Variants in FAIM observed in about 807,000 individuals in gnomAD.
The protein encoded by FAIM is Fas apoptotic inhibitory molecule.
FAIM carries 14 observed loss-of-function variants against 21.2 expected under a neutral mutation model. The ratio of observed to expected loss-of-function variants is 0.66; its 90% CI spans 0.44 to 1.03. FAIM has a LOEUF of 1.03. Ranked by LOEUF, FAIM falls within the 50% of genes least tolerant of loss-of-function variation. The pLI is 0.00. For synonymous variants in FAIM, 86 were observed against 80.4 expected (o/e 1.07, Z -0.37); for missense variants, 222 against 247.1 (o/e 0.90, Z 0.68).
chr3:138,613,701 T>C (rs1219049158), intron 1 of FAIM, among the ~76,000 whole-genome samples: 1 of 152,088 alleles, frequency 6.6e-6, no homozygotes, highest in Non-Finnish European at 1.5e-5. Context: ...CCCAGGCTGG[T>C]CTTGAACTCC....
At chr3:138,629,858 G>C (rs532486023) in intron 5 of FAIM, 2 of 152,338 alleles carry the variant, frequency 1.3e-5, no homozygotes, top group East Asian at 1.9e-4. Context: ...ATAGACTCCA[G>C]TGTGTTTGAC....
At chr3:138,610,870 C>T in intron 1 of FAIM, 1 of 1,101,508 alleles carries the variant, frequency 9.1e-7, no homozygotes, top group Non-Finnish European at 1.4e-6. Context: ...GGGTGTGAGC[C>T]ATCGCGCCTG....
chr3:138,610,998 A>G lies in FAIM; in HGVS notation c.-17+2061A>G, dbSNP rs1403216450. On this transcript the variant is annotated intron_variant, in intron 1 of 5. Coordinates refer to ENST00000360570, the MANE Select transcript of FAIM (RefSeq NM_001033031.2). The stretch of plus-strand genomic sequence containing the variant: ...ATAAGGACACTCCCACTGTTGTGCT[A>G]TAATCATCTCTTGGTATCTCCGGAC... 7 of 1,613,932 alleles carry G rather than the reference A, an allele frequency of 4.3e-6. No homozygotes were observed. The Admixed American group carries it at 1.0e-4, about 23-fold the overall frequency.
In FAIM at chr3:138,629,201, A is replaced by G. The variant is rs750181072; in HGVS notation, c.456+45A>G. ...ACTCTAAGTGCCATGTGTCTCAGTT[A>G]CCATTGAATTGTTGCTGCATTTCCT... On this transcript the variant is annotated intron_variant, in intron 5 of 5. Coordinates refer to ENST00000360570, the MANE Select transcript of FAIM (RefSeq NM_001033031.2). The G allele has an allele frequency of 1.0e-5, 15 of 1,446,346 alleles. 1 individual carries two copies. The highest frequency in any genetic ancestry group is 9.5e-5 in the South Asian group (8 of 84,218). 89.6% of individuals were successfully genotyped at this position (1,446,346 alleles called of 1,614,324 possible). A position where few individuals can be genotyped will look rare whatever the true frequency, so the allele number is the denominator to read the frequency against.
At chr3:138,613,897 T>C (rs1329745931) in intron 1 of FAIM, among the ~76,000 whole-genome samples, 2 of 152,256 alleles carry the variant, frequency 1.3e-5, no homozygotes, top group East Asian at 1.9e-4. Flanking sequence ...GATTTACCTC[T>C]ATGTTTTCTT....
At chr3:138,626,276 C>G (rs361075) in intron 4 of FAIM, among the ~76,000 whole-genome samples, 17 of 151,990 alleles carry the variant, frequency 1.1e-4, no homozygotes, top group Admixed American at 8.5e-4. Context: ...TAACATACCA[C>G]TTTGAATAGG....
chr3:138,621,972 C>T (rs1313358519), intron 3 of FAIM, among the ~76,000 whole-genome samples: 2 of 151,792 alleles, frequency 1.3e-5, no homozygotes, highest in East Asian at 1.9e-4. Flanking sequence ...TTAGTAGAGA[C>T]GGGGTTTCAC....
In FAIM at chr3:138,619,779, C is replaced by A; in HGVS notation, c.44+9C>A. ...TTTGAAGATGATGAAAGGTAAATGT[C>A]TTATATTGCAGTAAACTAGCCTTTG... On this transcript the variant is annotated intron_variant, in intron 2 of 5. Transcript: ENST00000360570. 1 of 1,610,270 alleles carries A rather than the reference C, an allele frequency of 6.2e-7. No homozygotes were observed. Among genetic ancestry groups the A allele is most frequent in the Non-Finnish European group, 8.5e-7 (1 of 1,177,434 alleles).
intron 3 of FAIM, among the ~76,000 whole-genome samples, 154 bp downstream of exon 3, chr3:138,621,693 A>G (rs1031405425): frequency 9.9e-5 from 15 of 152,218 alleles, no homozygotes; most frequent in Admixed American, 6.5e-5. Context: ...ACATAGTTAT[A>G]GAATTCATGG....
At chr3:138,613,054 G>T (rs1315794082) in intron 1 of FAIM, among the ~76,000 whole-genome samples, 1 of 141,250 alleles carries the variant, frequency 7.1e-6, no homozygotes, top group African/African-American at 2.7e-5. Context: ...TGCTCTTGTT[G>T]CCCAGGCTGG....
Position 138,621,452 on chromosome 3 carries a change from G to A in FAIM, c.90G>A (p.Trp30Ter). ...AAATGACAGATCTCGTAGCTGTTTGGGATGTTGCTTTAAGTGACGGAGTCC... is the reference window on the plus strand; with the variant it reads ...AAATGACAGATCTCGTAGCTGTTTGAGATGTTGCTTTAAGTGACGGAGTCC... ...LEKMTDLVAV[W>*]DVALSDGVHK... Residue 30 changes from tryptophan (W) to a stop codon, truncating the protein, a stop_gained, in exon 3 of 6, where the codon TGG becomes TGA. Coordinates refer to ENST00000360570, the MANE Select transcript of FAIM (RefSeq NM_001033031.2). LOFTEE classifies it high-confidence loss of function. The A allele has an allele frequency of 6.2e-7, 1 of 1,613,926 alleles. No individual in the cohort carries two copies. The highest frequency in any genetic ancestry group is 1.1e-5 in the South Asian group (1 of 91,072).
intron 1 of FAIM, among the ~76,000 whole-genome samples, chr3:138,619,365 T>C (rs1560495467): frequency 1.3e-5 from 2 of 152,220 alleles, no homozygotes; most frequent in Non-Finnish European, 2.9e-5. Flanking sequence ...TTGAAAAGCA[T>C]AGGACCCAGA....
chr3:138,630,642 C>G (rs2042995738), intron 5 of FAIM: 1 of 152,094 alleles, frequency 6.6e-6, no homozygotes, highest in Non-Finnish European at 1.5e-5. Context: ...TTTATGGCCC[C>G]CTTTGGAAAA....
At chr3:138,615,438 T>G (rs1457275881) in intron 1 of FAIM, among the ~76,000 whole-genome samples, 1 of 152,192 alleles carries the variant, frequency 6.6e-6, no homozygotes, top group Non-Finnish European at 1.5e-5. Flanking sequence ...GAATCACCAG[T>G]TACGAAGAAG....
intron 1 of FAIM, among the ~76,000 whole-genome samples, chr3:138,617,379 GTATGTATAATATGTATATAT>G: frequency 1.4e-5 from 2 of 146,912 alleles, no homozygotes; most frequent in Middle Eastern, 7.2e-3. Flanking sequence ...TATATTATAT[GTATGTATAATATGTATATAT>G]TATATATAAT....
intron 1 of FAIM, among the ~76,000 whole-genome samples, chr3:138,617,634 A>C (rs2042839652): frequency 7.6e-6 from 1 of 131,180 alleles, no homozygotes. Context: ...TAATAGATCT[A>C]TATATCATAT....
At chr3:138,610,729 G>A (rs1165789079) in intron 1 of FAIM, 7 of 386,554 alleles carry the variant, frequency 1.8e-5, no homozygotes, top group South Asian at 3.3e-5. Context: ...ATTTACAGAC[G>A]TGCGCTACCA....
intron 1 of FAIM, among the ~76,000 whole-genome samples, chr3:138,609,752 A>C (rs963133787): frequency 1.4e-4 from 21 of 151,752 alleles, no homozygotes; most frequent in African/African-American, 4.6e-4. Flanking sequence ...TGAGCGTACA[A>C]GTGGTTTTCA....
Position 138,619,841 on chromosome 3 carries a change from T to C in FAIM, c.44+71T>C, listed in dbSNP as rs1287870728. 8 of 1,358,410 alleles carry C rather than the reference T, an allele frequency of 5.9e-6. No homozygotes were observed. The African/African-American group carries it at 8.7e-5, about 15-fold the overall frequency. 84.1% of individuals were successfully genotyped at this position (1,358,410 alleles called of 1,614,324 possible). ...ATTGTTATCATTCAAAAGAGTGATTTATCCAAGATACTCTGTTAAGAATAC... is the reference window on the plus strand; with the variant it reads ...ATTGTTATCATTCAAAAGAGTGATTCATCCAAGATACTCTGTTAAGAATAC... On this transcript the variant is annotated intron_variant, in intron 2 of 5. Coordinates refer to ENST00000360570, the MANE Select transcript of FAIM (RefSeq NM_001033031.2).
Sources: gnomAD v4.1 joint callset for allele counts (sites outside exome capture counted in the v4.1 genomes callset) on GRCh38, gnomAD v4.1.1 for gene constraint, MANE v1.5 for transcripts, NCBI Gene and HGNC (gene_info 2026-07-23, HGNC 2026-07-21) for gene names.